The following GNG7 variants were observed in gnomAD, a reference collection of about 807,000 sequenced individuals.
GNG7 encodes the protein G protein subunit gamma 7, also known as guanine nucleotide-binding protein G(I)/G(S)/G(O) subunit gamma-7.
Under a neutral mutation model 4.0 loss-of-function variants are expected in GNG7, and 1 was observed. That is an observed-to-expected ratio of 0.25 (90% CI 0.09 to 1.18). The LOEUF is 1.18. Ranked by LOEUF, GNG7 falls within the 50% of genes most tolerant of loss-of-function variation. GNG7 has a pLI of 0.50. For synonymous variants in GNG7, 34 were observed against 36.9 expected, an observed-to-expected ratio of 0.92 and a Z score of 0.29; for missense variants, 86 against 91.9, an observed-to-expected ratio of 0.94 and a Z score of 0.26.
chr19:2,523,498 G>A (rs574084349), intron 3 of GNG7, among the ~76,000 whole-genome samples: 72 of 152,050 alleles, frequency 4.7e-4, no homozygotes, highest in African/African-American at 1.6e-3. Context: ...GGCCAGACTG[G>A]GCAATTTAGT....
intron 3 of GNG7, among the ~76,000 whole-genome samples, chr19:2,542,505 G>A (rs1978995658): frequency 1.3e-5 from 2 of 152,096 alleles, no homozygotes; most frequent in African/African-American, 4.8e-5. Context: ...GCAAGGAAGT[G>A]AATTCAGGAA....
chr19:2,699,227 C>A (rs1257302831), intron 1 of GNG7, among the ~76,000 whole-genome samples: 1 of 150,220 alleles, frequency 6.7e-6, no homozygotes, highest in Non-Finnish European at 1.5e-5. Context: ...CAGCTCACTG[C>A]AACCTCTGCC....
chr19:2,592,941 AGGAAGGAC>A (rs1205997654), intron 2 of GNG7, among the ~76,000 whole-genome samples: 3 of 142,886 alleles, frequency 2.1e-5, no homozygotes, highest in East Asian at 4.5e-4. Context: ...GAAGGAAGGA[AGGAAGGAC>A]GGAAGAAAGA....
chr19:2,652,280 T>G lies in GNG7; in HGVS notation c.-134-6000A>C, dbSNP rs183158022. 2.6e-5 allele frequency among the ~76,000 whole-genome samples: 4 copies of G among 152,054 alleles called. No homozygotes were observed. The East Asian group carries it at 7.8e-4, about 30-fold the overall frequency. On this transcript the variant is annotated intron_variant, in intron 1 of 4. Transcript: ENST00000382159. ...GCCAGACGCTGAGAGAGAAAAACAC[T>G]GCGTAATCCCACGTATTGTGGAGTC...
intron 1 of GNG7, among the ~76,000 whole-genome samples, chr19:2,659,403 A>C (rs564550829): frequency 6.6e-6 from 1 of 150,926 alleles, no homozygotes; most frequent in South Asian, 2.1e-4. Flanking sequence ...CAGCCTGGCC[A>C]ACATGGCAAA....
chr19:2,513,551 C>T lies in GNG7; in HGVS notation c.*1471G>A. On this transcript the variant is annotated 3_prime_UTR_variant, in exon 5 of 5. Transcript: ENST00000382159. ...CCATGACATCTTCGATTTCCACTTG[C>T]CGCTGGGAGGAGTGGCCCATCCTGC... The T allele has an allele frequency of 2.0e-6, 2 of 985,566 alleles. No individual in the cohort carries two copies. The highest frequency in any genetic ancestry group is 2.4e-6 in the Non-Finnish European group (2 of 830,024). 61.1% of individuals were successfully genotyped at this position (985,566 alleles called of 1,614,324 possible). A position where few individuals can be genotyped will look rare whatever the true frequency, so the allele number is the denominator to read the frequency against.
At chr19:2,596,902 T>G (rs762684121) in intron 2 of GNG7, among the ~76,000 whole-genome samples, 3 of 152,094 alleles carry the variant, frequency 2.0e-5, no homozygotes, top group Non-Finnish European at 2.9e-5. Context: ...TTTACTTTTT[T>G]TATGGATTAA....
intron 2 of GNG7, among the ~76,000 whole-genome samples, chr19:2,637,218 C>CCCG (rs1555699229): frequency 6.9e-6 from 1 of 144,182 alleles, no homozygotes; most frequent in Non-Finnish European, 1.6e-5. Flanking sequence ...AGGCTCCCCC[C>CCCG]GCCCCCGAGC....
intron 2 of GNG7, among the ~76,000 whole-genome samples, chr19:2,558,826 T>C (rs956900407): frequency 6.6e-6 from 1 of 151,108 alleles, no homozygotes; most frequent in African/African-American, 2.4e-5. Context: ...TTGGGACAGG[T>C]GTCATTTTGT....
Position 2,626,195 on chromosome 19 carries a change from C to T in GNG7, c.-78+20029G>A, listed in dbSNP as rs545092918. On this transcript the variant is annotated intron_variant, in intron 2 of 4. Coordinates refer to ENST00000382159, the MANE Select transcript of GNG7 (RefSeq NM_052847.3). This position sits in a 1 kb window ranked among gnomAD's most constrained non-coding sequence, Gnocchi z 5.0. ...GTGACCGCGGGTGCCCACCTGACCC[C>T]GTGTCTCCAGCGGGAACGTGAAGCT... Among the ~76,000 whole-genome samples the T allele has an allele frequency of 3.3e-4, 51 of 152,264 alleles. No individual in the cohort carries two copies. Among genetic ancestry groups the T allele is most frequent in the Non-Finnish European group, 6.8e-4 (46 of 68,012 alleles).
intron 2 of GNG7, among the ~76,000 whole-genome samples, chr19:2,569,527 G>A (rs888500206): frequency 2.0e-5 from 3 of 152,080 alleles, no homozygotes; most frequent in Non-Finnish European, 4.4e-5. Flanking sequence ...CACCCGCCTC[G>A]GCCTCCCAAA....
At chr19:2,691,673 C>T (rs762699452) in intron 1 of GNG7, among the ~76,000 whole-genome samples, 2 of 151,910 alleles carry the variant, frequency 1.3e-5, no homozygotes, top group Admixed American at 6.6e-5. Context: ...TCGAGACCAG[C>T]CTGGCCAACA....
intron 2 of GNG7, among the ~76,000 whole-genome samples, chr19:2,592,343 T>G (rs75116804): frequency 0.078 from 11,705 of 150,664 alleles, 494 homozygotes; most frequent in East Asian, 0.16. Context: ...TAAAAAAAAA[T>G]TGCTCCTTCT....
intron 2 of GNG7, among the ~76,000 whole-genome samples, chr19:2,627,744 G>A (rs1409086875): frequency 6.6e-6 from 1 of 152,224 alleles, no homozygotes; most frequent in Non-Finnish European, 1.5e-5. Context: ...CCGGGGAGTT[G>A]CATGTGCTGA....
intron 1 of GNG7, among the ~76,000 whole-genome samples, chr19:2,686,835 T>A (rs1485463113): frequency 6.6e-6 from 1 of 150,496 alleles, no homozygotes; most frequent in African/African-American, 2.5e-5. Context: ...CACTGCAAGC[T>A]CTGCCTCCCA....
At chr19:2,590,693 CCATCCATCCATCCACCCATT>C (rs1980823235) in intron 2 of GNG7, among the ~76,000 whole-genome samples, 1 of 145,544 alleles carries the variant, frequency 6.9e-6, no homozygotes, top group African/African-American at 2.5e-5. Context: ...ATCCATTCAT[CCATCCATCCATCCACCCATT>C]CATCCATCCA....
chr19:2,602,709 G>A (rs546240523), intron 2 of GNG7, among the ~76,000 whole-genome samples: 23 of 152,308 alleles, frequency 1.5e-4, no homozygotes, highest in East Asian at 1.9e-4. Context: ...AGCCAGAAAC[G>A]GAAGCCAATC....
chr19:2,676,782 C>A (rs1172456385), intron 1 of GNG7, among the ~76,000 whole-genome samples: 1 of 144,766 alleles, frequency 6.9e-6, no homozygotes, highest in Non-Finnish European at 1.5e-5. Flanking sequence ...GCTTGCACCA[C>A]TTCCTAGACC....
chr19:2,536,258 A>AGAG (rs1232657069), intron 3 of GNG7, among the ~76,000 whole-genome samples: 1 of 152,056 alleles, frequency 6.6e-6, no homozygotes, highest in Admixed American at 6.6e-5. Context: ...TCTACTAAAA[A>AGAG]TACAAAAACA....
Sources: allele counts gnomAD v4.1 joint callset (sites outside exome capture counted in the v4.1 genomes callset), GRCh38; gene constraint gnomAD v4.1.1; non-coding constraint Gnocchi (gnomAD v3.1); transcripts MANE v1.5; gene names NCBI Gene and HGNC (gene_info 2026-07-23, HGNC 2026-07-21).